The following ARAP2 variants were observed in gnomAD, a reference collection of about 807,000 sequenced individuals.
ARAP2 encodes arf-GAP with Rho-GAP domain, ANK repeat and PH domain-containing protein 2.
Under a neutral mutation model 194.5 loss-of-function variants are expected in ARAP2, and 148 were observed. The observed-to-expected ratio is 0.76, with a 90% CI of 0.67 to 0.87. The LOEUF is 0.87. ARAP2 is among the 40% of genes least tolerant of loss of function. The pLI is 0.00. For missense variants in ARAP2, 2,128 were observed against 1,989.7 expected (o/e 1.07, Z -1.32); for synonymous variants, 695 against 683.5 (o/e 1.02, Z -0.26).
chr4:36,026,977 A>C (rs899947317), intron 5 of ARAP2, among the ~76,000 whole-genome samples: 1 of 152,218 alleles, frequency 6.6e-6, no homozygotes, highest in African/African-American at 2.4e-5. Context: ...TCATGTCATA[A>C]TTGTGCATAA....
intron 8 of ARAP2, among the ~76,000 whole-genome samples, chr4:36,014,400 C>A (rs1298499072): frequency 1.3e-5 from 2 of 148,582 alleles, no homozygotes; most frequent in Non-Finnish European, 2.9e-5. Context: ...AAGTAGCAAC[C>A]ACTGCCACCA....
At chr4:36,071,935 G>A (rs1203201789) in intron 32 of ARAP2, among the ~76,000 whole-genome samples, 1 of 151,228 alleles carries the variant, frequency 6.6e-6, no homozygotes, top group African/African-American at 2.4e-5. Flanking sequence ...CCACCTATGA[G>A]TGAGAATATG....
chr4:36,228,177 C>T (rs548751823), intron 2 of ARAP2, among the ~76,000 whole-genome samples: 18 of 152,178 alleles, frequency 1.2e-4, no homozygotes, highest in East Asian at 1.2e-3. Flanking sequence ...CATTGTACCA[C>T]GCAGCAGAGA....
chr4:36,103,493 A>G (rs560011836), intron 27 of ARAP2, among the ~76,000 whole-genome samples: 1 of 151,680 alleles, frequency 6.6e-6, no homozygotes, highest in South Asian at 2.1e-4. Flanking sequence ...TTAATTAGGT[A>G]AGCTATGACA....
Position 36,051,608 on chromosome 4 carries a change from G to A in ARAP2, n.369+398C>T, listed in dbSNP as rs192870902. ...GATAAATTGATTTTGTAATTTTCTC[G>A]TTGTTTTCTAATGTTTACATTATTT... On this transcript the variant is annotated intron_variant and non_coding_transcript_variant, in intron 3 of 12. Coordinates refer to the ARAP2 transcript ENST00000503225. Among the ~76,000 whole-genome samples, 26 of 152,138 alleles carry A rather than the reference G, an allele frequency of 1.7e-4. No individual in the cohort carries two copies. The East Asian group carries it at 4.8e-3, about 28-fold the overall frequency.
intron 29 of ARAP2, 132 bp from the exon 30 acceptor site, chr4:36,082,418 A>G: frequency 2.2e-6 from 2 of 894,228 alleles, no homozygotes; most frequent in Non-Finnish European, 1.7e-6. Context: ...TGGTGATTCA[A>G]TGTGTTGGAC....
At chr4:36,042,272 A>T (rs944452940) in intron 5 of ARAP2, among the ~76,000 whole-genome samples, 1 of 152,228 alleles carries the variant, frequency 6.6e-6, no homozygotes, top group African/African-American at 2.4e-5. Context: ...TCACATGCAC[A>T]TTAATTATGT....
At position 36,136,818 on chromosome 4, in the gene ARAP2, T is replaced by C. The variant is rs73809121; in HGVS notation, c.3264-3429A>G. ...GTGTGTGTGTGTGTGTGTGTGTGTG[T>C]GCGTGTCTGTGTATCTCAGTCCTAT... On this transcript the variant is annotated intron_variant, in intron 19 of 32. Coordinates refer to ENST00000303965, the MANE Select transcript of ARAP2 (RefSeq NM_015230.4). Among the ~76,000 whole-genome samples, 1,237 of 141,016 alleles carry C rather than the reference T, an allele frequency of 8.8e-3. 8 individuals carry two copies. The highest frequency in any genetic ancestry group is 0.017 in the East Asian group (84 of 4,826). The allele number at this position is 141,016 out of a possible 152,430, so 92.5% of individuals were successfully genotyped here.
At chr4:36,055,118 A>T (rs998598499) in intron 2 of ARAP2, among the ~76,000 whole-genome samples, 5 of 152,206 alleles carry the variant, frequency 3.3e-5, no homozygotes, top group African/African-American at 1.2e-4. Context: ...TTTTGATTAT[A>T]TTGGATCTAT....
intron 1 of ARAP2, among the ~76,000 whole-genome samples, chr4:36,060,394 T>TTA (rs1228540722): frequency 1.3e-5 from 2 of 152,158 alleles, no homozygotes; most frequent in Non-Finnish European, 2.9e-5. Flanking sequence ...TTCATGTTAT[T>TTA]TAGCTAGCTG....
chr4:36,127,690 T>C (rs1461011231), intron 21 of ARAP2, among the ~76,000 whole-genome samples: 1 of 151,888 alleles, frequency 6.6e-6, no homozygotes, highest in African/African-American at 2.4e-5. Flanking sequence ...AAAGTAAGTT[T>C]TAAAACCTAG....
intron 26 of ARAP2, among the ~76,000 whole-genome samples, chr4:36,108,047 T>C (rs1718889670): frequency 6.6e-6 from 1 of 151,848 alleles, no homozygotes; most frequent in South Asian, 2.1e-4. Flanking sequence ...ATTATTATTA[T>C]TTTGAGACAG....
intron 27 of ARAP2, among the ~76,000 whole-genome samples, chr4:36,105,562 A>G (rs1275473855): frequency 2.6e-5 from 4 of 151,892 alleles, no homozygotes; most frequent in Non-Finnish European, 4.4e-5. Context: ...AAAACACCAA[A>G]TCTTCCTACC....
intron 6 of ARAP2, among the ~76,000 whole-genome samples, chr4:36,199,889 C>A (rs28391446): frequency 0.16 from 24,895 of 152,128 alleles, 4,242 homozygotes; most frequent in African/African-American, 0.43. Flanking sequence ...TTATTAGCTT[C>A]TTTGTGTTAA....
intron 2 of ARAP2, among the ~76,000 whole-genome samples, chr4:36,221,230 T>C (rs1301849318): frequency 1.3e-5 from 2 of 152,132 alleles, no homozygotes; most frequent in Non-Finnish European, 2.9e-5. Flanking sequence ...TTTGTGTAAG[T>C]ACATCCCATG....
chr4:36,232,756 G>C (rs1751732255), intron 1 of ARAP2, among the ~76,000 whole-genome samples: 1 of 152,108 alleles, frequency 6.6e-6, no homozygotes, highest in Non-Finnish European at 1.5e-5. Flanking sequence ...CTCCTTCCTT[G>C]ACATATATCT....
At chr4:36,166,087 T>G (rs1193177349) in intron 10 of ARAP2, among the ~76,000 whole-genome samples, 1 of 152,136 alleles carries the variant, frequency 6.6e-6, no homozygotes. Context: ...AAATAAAGCT[T>G]GTTAATTTTA....
chr4:36,117,584 A>G (rs1721672010), intron 24 of ARAP2, among the ~76,000 whole-genome samples: 1 of 151,674 alleles, frequency 6.6e-6, no homozygotes, highest in Non-Finnish European at 1.5e-5. Flanking sequence ...TTTAAAAGGC[A>G]AATTATGGCT....
intron 2 of ARAP2, among the ~76,000 whole-genome samples, chr4:36,219,529 A>C (rs1748704492): frequency 6.6e-6 from 1 of 152,218 alleles, no homozygotes; most frequent in African/African-American, 2.4e-5. Context: ...AATGGTCACA[A>C]GAGAATTTTG....
Sources: gnomAD v4.1 joint callset for allele counts (sites outside exome capture counted in the v4.1 genomes callset) on GRCh38, gnomAD v4.1.1 for gene constraint, MANE v1.5 for transcripts, NCBI Gene and HGNC (gene_info 2026-07-23, HGNC 2026-07-21) for gene names.